Variants in DSTYK observed in about 807,000 individuals in gnomAD.
DSTYK encodes the protein RIP-homologous kinase.
A neutral mutation model predicts 98.7 loss-of-function variants in DSTYK; 34 were observed. The observed-to-expected ratio is 0.34, with a 90% confidence interval of 0.26 to 0.46. DSTYK has a LOEUF of 0.46. Among genes scored for constraint, DSTYK ranks in the 20% least tolerant of loss-of-function variants. DSTYK has a pLI of 1.00. For missense variants in DSTYK, 962 were observed against 1,181.7 expected, an observed-to-expected ratio of 0.81 and a Z score of 2.73; for synonymous variants, 462 against 457.3, an observed-to-expected ratio of 1.01 and a Z score of -0.13.
At chr1:205,199,401 G>A (rs1173527567) in intron 1 of DSTYK, among the ~76,000 whole-genome samples, 1 of 152,202 alleles carries the variant, frequency 6.6e-6, no homozygotes, top group East Asian at 1.9e-4. Flanking sequence ...CCCTCCAAGA[G>A]TTTTGGTTTG....
At chr1:205,190,701 G>C (rs1175515810) in intron 1 of DSTYK, among the ~76,000 whole-genome samples, 3 of 151,030 alleles carry the variant, frequency 2.0e-5, no homozygotes, top group Admixed American at 2.0e-4. Context: ...AGCTCGAGCA[G>C]TGAGAAGTCC....
intron 7 of DSTYK, among the ~76,000 whole-genome samples, 168 bp from the exon 8 acceptor site, chr1:205,160,438 C>T (rs544120100): frequency 1.5e-4 from 23 of 151,482 alleles, no homozygotes; most frequent in African/African-American, 4.6e-4. Flanking sequence ...TGGGTTCAAG[C>T]GATTATTCTG....
intron 2 of DSTYK, among the ~76,000 whole-genome samples, chr1:205,176,502 A>G (rs896630813): frequency 6.6e-6 from 1 of 150,770 alleles, no homozygotes; most frequent in Non-Finnish European, 1.5e-5. Context: ...AAAAAAAAAA[A>G]AAAAAAAGAA....
At chr1:205,152,537 T>C (rs377728063) in intron 10 of DSTYK, among the ~76,000 whole-genome samples, 10 of 152,342 alleles carry the variant, frequency 6.6e-5, no homozygotes, top group African/African-American at 2.2e-4. Context: ...AAACTGTCAT[T>C]GCGCAGTGCA....
chr1:205,185,126 G>A lies in DSTYK; in HGVS notation c.654+2292C>T, dbSNP rs547616304. ...TGAGGCAGTAGAATTGCTTGAATCTGGAAGGCGGAGGTTGCAGTGAGCCAA... is the reference window on the plus strand; with the variant it reads ...TGAGGCAGTAGAATTGCTTGAATCTAGAAGGCGGAGGTTGCAGTGAGCCAA... On this transcript the variant is annotated intron_variant, in intron 2 of 12. Coordinates refer to ENST00000367162, the MANE Select transcript of DSTYK (RefSeq NM_015375.3). 6.6e-5 allele frequency among the ~76,000 whole-genome samples: 10 copies of A among 152,204 alleles called. No individual in the cohort carries two copies. The South Asian group carries it at 2.1e-3, about 32-fold the overall frequency.
chr1:205,178,432 T>TGA (rs1250323527), intron 2 of DSTYK, among the ~76,000 whole-genome samples: 7 of 151,798 alleles, frequency 4.6e-5, no homozygotes, highest in East Asian at 1.9e-4. Flanking sequence ...CTTACTAGAT[T>TGA]GAGAGAGAGA....
chr1:205,160,335 A>G lies in DSTYK; in HGVS notation c.1949-65T>C, dbSNP rs983677012. ...GAACTTCGTGGGCAACCTCTGTAAG[A>G]TTCTTTTTTTTTTTTTTTGAGACAG... On this transcript the variant is annotated intron_variant, in intron 7 of 12. Coordinates refer to ENST00000367162, the MANE Select transcript of DSTYK (RefSeq NM_015375.3). The G allele has an allele frequency of 2.9e-5, 38 of 1,322,688 alleles. 1 individual carries two copies. Among genetic ancestry groups the G allele is most frequent in the Admixed American group, 1.7e-4 (8 of 47,174 alleles). 81.9% of individuals were successfully genotyped at this position (1,322,688 alleles called of 1,614,324 possible). A position where few individuals can be genotyped will look rare whatever the true frequency, so the allele number is the denominator to read the frequency against.
At chr1:205,178,912 A>G (rs1423942788) in intron 2 of DSTYK, among the ~76,000 whole-genome samples, 2 of 152,098 alleles carry the variant, frequency 1.3e-5, no homozygotes, top group Admixed American at 6.6e-5. Context: ...ATGCAGGCAG[A>G]CTGCTTCAGC....
Position 205,211,687 on chromosome 1 carries a change from GCAAA to G in DSTYK, c.-156_-153del, listed in dbSNP as rs944826547. The G allele has an allele frequency of 2.0e-5, 22 of 1,092,462 alleles. No individual in the cohort carries two copies. The African/African-American group carries it at 3.2e-4, about 16-fold the overall frequency. 67.7% of individuals were successfully genotyped at this position (1,092,462 alleles called of 1,614,324 possible). On this transcript the variant is annotated 5_prime_UTR_variant, in exon 1 of 13. Coordinates refer to ENST00000367162, the MANE Select transcript of DSTYK (RefSeq NM_015375.3). Reference sequence around the variant, plus strand: ...GCTCCCAACCTCCGTCACTGCCGTTGCAAACAAACCAAACCGCAGTGCGCCGCTA... The same window carrying G: ...GCTCCCAACCTCCGTCACTGCCGTTGCAAACCAAACCGCAGTGCGCCGCTA...
chr1:205,161,624 G>A (rs771020619), intron 6 of DSTYK, among the ~76,000 whole-genome samples: 5 of 152,072 alleles, frequency 3.3e-5, no homozygotes, highest in African/African-American at 9.7e-5. Flanking sequence ...CCCACTCCCC[G>A]CCAGTGGACA....
chr1:205,181,653 GGTTTGTGTGTGTGTGTGTGT>G (rs1212972092), intron 2 of DSTYK, among the ~76,000 whole-genome samples: 1 of 83,962 alleles, frequency 1.2e-5, no homozygotes, highest in Non-Finnish European at 3.1e-5. Flanking sequence ...CAGATGTTGG[GGTTTGTGTGTGTGTGTGTGT>G]GTGTGTGTGT....
intron 2 of DSTYK, among the ~76,000 whole-genome samples, chr1:205,175,334 C>T (rs1056207564): frequency 5.9e-5 from 9 of 151,996 alleles, no homozygotes; most frequent in African/African-American, 9.7e-5. Context: ...CCTCGTGATC[C>T]GCCTGCCTCA....
chr1:205,169,939 T>C lies in DSTYK; in HGVS notation c.655-107A>G. On this transcript the variant is annotated intron_variant, in intron 2 of 12. Coordinates refer to ENST00000367162, the MANE Select transcript of DSTYK (RefSeq NM_015375.3). This position sits in a 1 kb window ranked among gnomAD's most constrained non-coding sequence, Gnocchi z 4.0. The stretch of plus-strand genomic sequence containing the variant: ...AAATCCTGATCTACAATGGAACAAT[T>C]GGACTTCGGTACCCCAGCCATTGAT... 1.9e-6 allele frequency: 2 copies of C among 1,051,864 alleles called. No individual in the cohort carries two copies. The highest frequency in any genetic ancestry group is 2.7e-6 in the Non-Finnish European group (2 of 743,076). 65.2% of individuals were successfully genotyped at this position (1,051,864 alleles called of 1,614,324 possible). A position where few individuals can be genotyped will look rare whatever the true frequency, so the allele number is the denominator to read the frequency against.
intron 2 of DSTYK, among the ~76,000 whole-genome samples, chr1:205,183,189 T>C (rs1248196528): frequency 1.3e-5 from 2 of 152,018 alleles, no homozygotes; most frequent in African/African-American, 2.4e-5. Context: ...AGGTGTCAGA[T>C]ATACATGCTT....
At chr1:205,175,107 T>C (rs1658189901) in intron 2 of DSTYK, among the ~76,000 whole-genome samples, 1 of 149,894 alleles carries the variant, frequency 6.7e-6, no homozygotes, top group Non-Finnish European at 1.5e-5. Flanking sequence ...CTGCCCTTTT[T>C]TTTTTTTTTT....
intron 2 of DSTYK, among the ~76,000 whole-genome samples, chr1:205,177,604 T>C (rs1658269479): frequency 6.6e-6 from 1 of 152,172 alleles, no homozygotes; most frequent in Non-Finnish European, 1.5e-5. Flanking sequence ...TGGTGGCTCA[T>C]GCCTGTAATC....
intron 4 of DSTYK, 26 bp from the exon 5 acceptor site, chr1:205,163,032 C>T (rs1558605116): frequency 3.8e-6 from 6 of 1,583,916 alleles, no homozygotes; most frequent in South Asian, 1.1e-5. Flanking sequence ...CCAAAGAAAA[C>T]ATGTCCTCAG....
At chr1:205,171,030 GAA>G (rs34037566) in intron 2 of DSTYK, among the ~76,000 whole-genome samples, 2 of 143,728 alleles carry the variant, frequency 1.4e-5, no homozygotes, top group African/African-American at 5.2e-5. Context: ...TTCATGTAAG[GAA>G]AAAAAAAAAA....
chr1:205,204,921 C>T (rs975589284), intron 1 of DSTYK, among the ~76,000 whole-genome samples: 11 of 152,076 alleles, frequency 7.2e-5, no homozygotes, highest in Admixed American at 2.6e-4. Flanking sequence ...AAGTAACTTG[C>T]CCCAAGTCAC....
Sources: gnomAD v4.1 joint callset for allele counts (sites outside exome capture counted in the v4.1 genomes callset) on GRCh38, gnomAD v4.1.1 for gene constraint, Gnocchi (gnomAD v3.1) non-coding constraint, MANE v1.5 for transcripts, NCBI Gene and HGNC (gene_info 2026-07-23, HGNC 2026-07-21) for gene names.